Variants in KIF26B observed in about 807,000 individuals in gnomAD.
KIF26B encodes the protein kinesin-like protein KIF26B.
Under a neutral mutation model 151.2 loss-of-function variants are expected in KIF26B, and 63 were observed. The observed-to-expected ratio is 0.42, with a 90% CI of 0.34 to 0.51. The LOEUF (loss-of-function observed/expected upper bound fraction) is 0.51, where lower values mean the gene tolerates loss of function less well. KIF26B is among the 20% of genes least tolerant of loss of function. The probability of loss-of-function intolerance (pLI) is 0.07; values close to 1 mark genes in which losing one functional copy is unlikely to be tolerated. For missense variants in KIF26B, 2,813 were observed against 2,913.6 expected, an observed-to-expected ratio of 0.97 and a Z score of 0.79; for synonymous variants, 1,357 against 1,262.1, an observed-to-expected ratio of 1.08 and a Z score of -1.59.
At chr1:245,566,161 C>G (rs1343226733) in intron 5 of KIF26B, among the ~76,000 whole-genome samples, 1 of 152,222 alleles carries the variant, frequency 6.6e-6, no homozygotes, top group Non-Finnish European at 1.5e-5. Context: ...TTTGGAGGGG[C>G]AAACCTCTGA....
At chr1:245,700,971 T>TTTTA (rs2044763344) in intron 14 of KIF26B, among the ~76,000 whole-genome samples, 1 of 152,104 alleles carries the variant, frequency 6.6e-6, no homozygotes, top group South Asian at 2.1e-4. Flanking sequence ...TTCATTAACA[T>TTTTA]TTTATTTTCA....
chr1:245,193,736 T>C (rs1669147922), intron 2 of KIF26B, among the ~76,000 whole-genome samples: 1 of 152,202 alleles, frequency 6.6e-6, no homozygotes, highest in Non-Finnish European at 1.5e-5. Flanking sequence ...GAGAAGCCCA[T>C]GTTCAAACCT....
intron 4 of KIF26B, among the ~76,000 whole-genome samples, chr1:245,503,501 G>C (rs1660665042): frequency 1.3e-5 from 2 of 151,728 alleles, no homozygotes; most frequent in African/African-American, 2.4e-5. Flanking sequence ...TTTATTTTTT[G>C]AAAAAATGTT....
intron 2 of KIF26B, among the ~76,000 whole-genome samples, chr1:245,317,640 G>GT (rs1173955388): frequency 2.0e-5 from 3 of 152,228 alleles, no homozygotes; most frequent in Non-Finnish European, 4.4e-5. Context: ...ATTGGTTTCT[G>GT]TAAGTGTCGG....
rs570477103 is a variant in KIF26B, at chr1:245,241,823, C to T, written c.465+85140C>T. On this transcript the variant is annotated intron_variant, in intron 2 of 14. Coordinates refer to ENST00000407071, the MANE Select transcript of KIF26B (RefSeq NM_018012.4). The surrounding 1 kb of genome is among the most constrained non-coding windows in gnomAD (Gnocchi z 5.0). ...CTGGAAGGTGCTTGCTTTGGGGACT[C>T]GGCCCTGGTGGATCCCCTTAGCCTG... is the stretch of plus-strand genomic sequence containing the variant. Among the ~76,000 whole-genome samples, 6 of 152,272 alleles carry T rather than the reference C, an allele frequency of 3.9e-5. No homozygotes were observed. Among genetic ancestry groups the T allele is most frequent in the East Asian group, 1.9e-4 (1 of 5,180 alleles).
chr1:245,563,804 C>T lies in KIF26B; in HGVS notation c.1350+22854C>T, dbSNP rs1022807710. 3.3e-5 allele frequency among the ~76,000 whole-genome samples: 5 copies of T among 152,134 alleles called. No homozygotes were observed. Among genetic ancestry groups the T allele is most frequent in the Non-Finnish European group, 5.9e-5 (4 of 68,022 alleles). ...TGCGTTACCAGCAATCCCAAGAGGA[C>T]CCCAGACCCTCTGAAGGAAGCGGGC... On this transcript the variant is annotated intron_variant, in intron 5 of 14. Coordinates refer to ENST00000407071, the MANE Select transcript of KIF26B (RefSeq NM_018012.4). This position sits in a 1 kb window ranked among gnomAD's most constrained non-coding sequence, Gnocchi z 4.6.
chr1:245,511,466 G>C (rs1355486593), intron 4 of KIF26B, among the ~76,000 whole-genome samples: 1 of 152,180 alleles, frequency 6.6e-6, no homozygotes, highest in Non-Finnish European at 1.5e-5. Context: ...TAAAATATTT[G>C]ACATTGGCTC....
chr1:245,224,689 C>T (rs1385284377), intron 2 of KIF26B, among the ~76,000 whole-genome samples: 1 of 152,188 alleles, frequency 6.6e-6, no homozygotes, highest in African/African-American at 2.4e-5. Flanking sequence ...TAATGACATG[C>T]ATCAACATTT....
At chr1:245,568,013 G>A (rs944391347) in intron 5 of KIF26B, among the ~76,000 whole-genome samples, 6 of 151,388 alleles carry the variant, frequency 4.0e-5, no homozygotes, top group Non-Finnish European at 7.4e-5. Flanking sequence ...GCAAAACCCC[G>A]TCTCTACTAA....
intron 2 of KIF26B, among the ~76,000 whole-genome samples, chr1:245,228,589 A>G (rs78568276): frequency 0.059 from 8,947 of 152,026 alleles, 335 homozygotes; most frequent in Middle Eastern, 0.12. Context: ...AACAAAAGGC[A>G]GTTTCCGCAG....
chr1:245,265,009 C>G (rs1452778466), intron 2 of KIF26B, among the ~76,000 whole-genome samples: 201 of 150,922 alleles, frequency 1.3e-3, no homozygotes, highest in African/African-American at 4.5e-3. Flanking sequence ...ACCATCCTGG[C>G]TAACACGGTG....
intron 4 of KIF26B, among the ~76,000 whole-genome samples, chr1:245,490,547 G>C (rs61829898): frequency 3.9e-5 from 6 of 151,934 alleles, no homozygotes; most frequent in Non-Finnish European, 8.8e-5. Flanking sequence ...TCCTGACCTC[G>C]TGATCCACCC....
chr1:245,262,195 T>C (rs893858194), intron 2 of KIF26B, among the ~76,000 whole-genome samples: 6 of 152,150 alleles, frequency 3.9e-5, no homozygotes, highest in African/African-American at 9.7e-5. Context: ...GTACAGAACA[T>C]AGGAGACAGC....
intron 4 of KIF26B, among the ~76,000 whole-genome samples, chr1:245,428,244 C>T (rs1174920737): frequency 6.6e-6 from 1 of 152,188 alleles, no homozygotes; most frequent in Non-Finnish European, 1.5e-5. Flanking sequence ...AAGGGACTCT[C>T]ACTCATGTAT....
At chr1:245,294,093 G>T (rs1671298554) in intron 2 of KIF26B, among the ~76,000 whole-genome samples, 1 of 152,158 alleles carries the variant, frequency 6.6e-6, no homozygotes, top group African/African-American at 2.4e-5. Flanking sequence ...GGCCTGTGTT[G>T]TGTCCTGAGG....
intron 4 of KIF26B, among the ~76,000 whole-genome samples, chr1:245,439,593 G>A (rs1659018591): frequency 6.6e-6 from 1 of 152,058 alleles, no homozygotes; most frequent in South Asian, 2.1e-4. Flanking sequence ...CTCCAAATTG[G>A]TACACAAATC....
In KIF26B at chr1:245,218,997, C is replaced by T. The variant is rs1028055062; in HGVS notation, c.465+62314C>T. Among the ~76,000 whole-genome samples, 4 of 152,038 alleles carry T rather than the reference C, an allele frequency of 2.6e-5. No homozygotes were observed. Among genetic ancestry groups the T allele is most frequent in the African/African-American group, 7.3e-5 (3 of 41,374 alleles). On this transcript the variant is annotated intron_variant, in intron 2 of 14. Coordinates refer to ENST00000407071, the MANE Select transcript of KIF26B (RefSeq NM_018012.4). The surrounding 1 kb of genome is among the most constrained non-coding windows in gnomAD (Gnocchi z 4.1). ...TATGCCAGGAGGGAGCATCTGCCCCCATCTACTCTCTGGGAAGATGTCCTC... is the reference window on the plus strand; with the variant it reads ...TATGCCAGGAGGGAGCATCTGCCCCTATCTACTCTCTGGGAAGATGTCCTC...
intron 2 of KIF26B, among the ~76,000 whole-genome samples, chr1:245,200,209 C>A (rs1669273699): frequency 6.6e-6 from 1 of 152,186 alleles, no homozygotes; most frequent in African/African-American, 2.4e-5. Context: ...CTCGTTTTCA[C>A]AGATGCTCAG....
intron 7 of KIF26B, among the ~76,000 whole-genome samples, chr1:245,608,370 C>T (rs925457021): frequency 6.6e-6 from 1 of 152,208 alleles, no homozygotes; most frequent in Non-Finnish European, 1.5e-5. Context: ...GCTTCAAAAA[C>T]TGTCCCTTGG....
Sources: gnomAD v4.1 joint callset for allele counts (sites outside exome capture counted in the v4.1 genomes callset) on GRCh38, gnomAD v4.1.1 for gene constraint, Gnocchi (gnomAD v3.1) non-coding constraint, MANE v1.5 for transcripts, NCBI Gene and HGNC (gene_info 2026-07-23, HGNC 2026-07-21) for gene names.